The following PGR variants were observed in gnomAD, a reference collection of about 807,000 sequenced individuals.
PGR encodes nuclear receptor subfamily 3 group C member 3.
PGR carries 25 observed loss-of-function variants against 76.1 expected under a neutral mutation model. That is an observed-to-expected ratio of 0.33 (90% CI 0.24 to 0.46). PGR has a LOEUF of 0.46. Ranked by LOEUF, PGR falls within the 20% of genes least tolerant of loss-of-function variation. The probability of loss-of-function intolerance (pLI) is 1.00; values close to 1 mark genes in which losing one functional copy is unlikely to be tolerated. For missense variants in PGR, 1,172 were observed against 1,225.3 expected, an observed-to-expected ratio of 0.96 and a Z score of 0.65; for synonymous variants, 579 against 535.0, an observed-to-expected ratio of 1.08 and a Z score of -1.14.
chr11:101,087,402 C>T (rs1591402424), intron 3 of PGR, among the ~76,000 whole-genome samples: 1 of 152,190 alleles, frequency 6.6e-6, no homozygotes, highest in Admixed American at 6.5e-5. Flanking sequence ...AAATTGGACC[C>T]CTACATTTCA....
At chr11:101,091,630 C>T in intron 3 of PGR, 130 bp downstream of exon 3, 3 of 692,216 alleles carry the variant, frequency 4.3e-6, no homozygotes, top group Non-Finnish European at 7.9e-6. Context: ...CTCACATGTG[C>T]AGAGTCACTG....
chr11:101,051,453 C>T lies in PGR; in HGVS notation c.2328G>A (p.Leu776=), dbSNP rs1267570763. The change falls in exon 5 of 8, where the codon CTG becomes CTA. Residue 776 remains leucine, a synonymous_variant. Transcript: ENST00000325455. ...TTAGTATTAGATCAGGTGCAAAATA[C>T]AGCATCTGCCCACTGACGTGTTTGT... is the stretch of plus-strand genomic sequence containing the variant. ...RSYKHVSGQM[L]YFAPDLILNE... 6.2e-7 allele frequency: 1 copy of T among 1,609,598 alleles called. No homozygotes were observed. Among genetic ancestry groups the T allele is most frequent in the African/African-American group, 1.3e-5 (1 of 74,946 alleles).
intron 2 of PGR, among the ~76,000 whole-genome samples, chr11:101,124,611 A>T (rs959606270): frequency 6.6e-6 from 1 of 152,170 alleles, no homozygotes; most frequent in Non-Finnish European, 1.5e-5. Context: ...AGACTTTAAG[A>T]AGAGAGGAAA....
intron 1 of PGR, 134 bp downstream of exon 1, chr11:101,127,300 C>A: frequency 1.8e-6 from 1 of 571,284 alleles, no homozygotes; most frequent in Non-Finnish European, 2.9e-6. Context: ...TGCTGTGTCC[C>A]GCTGCCCACC....
chr11:101,058,127 G>A (rs548056177), intron 4 of PGR, among the ~76,000 whole-genome samples: 80 of 152,270 alleles, frequency 5.3e-4, no homozygotes, highest in African/African-American at 1.9e-3. Flanking sequence ...CTAAGCAAGA[G>A]TCTTAGCAAG....
At chr11:101,041,892 T>C (rs1859704747) in intron 7 of PGR, 53 bp downstream of exon 7, 1 of 1,487,512 alleles carries the variant, frequency 6.7e-7, no homozygotes, top group Non-Finnish European at 9.4e-7. Flanking sequence ...TTTAAAAAGT[T>C]ATAGAAATTC....
chr11:101,096,424 G>T (rs1861833625), intron 2 of PGR, among the ~76,000 whole-genome samples: 1 of 152,156 alleles, frequency 6.6e-6, no homozygotes, highest in East Asian at 1.9e-4. Flanking sequence ...CAATGTTTTG[G>T]CTTAAAGAAA....
At chr11:101,123,855 A>C (rs1309583066) in intron 2 of PGR, among the ~76,000 whole-genome samples, 1 of 152,210 alleles carries the variant, frequency 6.6e-6, no homozygotes. Flanking sequence ...TGCATATGTT[A>C]CCTCCCTAAC....
intron 2 of PGR, among the ~76,000 whole-genome samples, chr11:101,122,079 C>T (rs949783402): frequency 5.6e-5 from 8 of 144,126 alleles, no homozygotes; most frequent in South Asian, 2.2e-4. Flanking sequence ...GGCATGAACC[C>T]GGGAGGCGGA....
intron 2 of PGR, among the ~76,000 whole-genome samples, chr11:101,097,220 C>T (rs1475459937): frequency 6.6e-6 from 1 of 152,204 alleles, no homozygotes; most frequent in East Asian, 1.9e-4. Flanking sequence ...GTTCTTTATG[C>T]TCCAGAGTAC....
At chr11:101,054,779 G>C (rs1371860192) in intron 4 of PGR, among the ~76,000 whole-genome samples, 4 of 152,254 alleles carry the variant, frequency 2.6e-5, no homozygotes, top group Admixed American at 2.6e-4. Flanking sequence ...AACTCAGTGA[G>C]TTGCTATGAG....
At chr11:101,088,945 T>C (rs1486265492) in intron 3 of PGR, among the ~76,000 whole-genome samples, 1 of 152,126 alleles carries the variant, frequency 6.6e-6, no homozygotes, top group Non-Finnish European at 1.5e-5. Flanking sequence ...AAAAACCAAA[T>C]ACTGCATGTT....
chr11:101,124,980 A>G (rs1347181484), intron 2 of PGR, among the ~76,000 whole-genome samples: 1 of 152,046 alleles, frequency 6.6e-6, no homozygotes, highest in African/African-American at 2.4e-5. Flanking sequence ...ATTTCCTACT[A>G]CCTGCTTTTC....
Position 101,127,456 on chromosome 11 carries a change from G to C in PGR, c.1615C>G (p.Pro539Ala). 1 of 1,559,728 alleles carries C rather than the reference G, an allele frequency of 6.4e-7. No individual in the cohort carries two copies. The change falls in exon 1 of 8, where the codon CCG becomes GCG. Residue 539 changes from proline to alanine, a missense_variant. Pro to Ala is a conservative substitution (Grantham distance 27). Transcript: ENST00000325455. The stretch of plus-strand genomic sequence containing the variant: ...CACCTCAGGTAGTTGAGATAGGGCG[G>C]GTAGACCTGCGGCAGGCCCTCCTTG... ...VLKEGLPQVY[P>A]PYLNYLRPDS...
In PGR at chr11:101,128,491, G is replaced by A; in HGVS notation, c.580C>T (p.Gln194Ter). 1 of 1,606,166 alleles carries A rather than the reference G, an allele frequency of 6.2e-7. No homozygotes were observed. The change falls in exon 1 of 8, where the codon CAG (glutamine) becomes TAG (stop). Residue 194 changes from glutamine to a stop codon, truncating the protein, a stop_gained. Coordinates refer to ENST00000325455, the MANE Select transcript of PGR (RefSeq NM_000926.4). LOFTEE classifies it high-confidence loss of function. Reference protein sequence around the residue: ...VLPRGLSPARQLLLPASESPH... With the variant: ...VLPRGLSPAR ...CTCTCAGAGGCCGGGAGCAGCAGCT[G>A]CCGGGCTGGTGACAGGCCCCGGGGC...
At chr11:101,067,925 T>TA (rs1000362826) in intron 3 of PGR, among the ~76,000 whole-genome samples, 2 of 152,052 alleles carry the variant, frequency 1.3e-5, no homozygotes, top group Non-Finnish European at 1.5e-5. Flanking sequence ...ACATAGATAT[T>TA]AAAAAATCCT....
chr11:101,123,584 G>T (rs1338051755), intron 2 of PGR, among the ~76,000 whole-genome samples: 1 of 152,152 alleles, frequency 6.6e-6, no homozygotes, highest in Non-Finnish European at 1.5e-5. Context: ...CTTAGTCAGT[G>T]TAATCTTAAT....
chr11:101,058,810 A>G (rs1860383007), intron 4 of PGR, among the ~76,000 whole-genome samples: 1 of 152,180 alleles, frequency 6.6e-6, no homozygotes, highest in Non-Finnish European at 1.5e-5. Context: ...ATCAGCCTAT[A>G]ACTTACACCT....
chr11:101,073,529 A>G (rs976739712), intron 3 of PGR, among the ~76,000 whole-genome samples: 1 of 151,992 alleles, frequency 6.6e-6, no homozygotes, highest in Admixed American at 6.6e-5. Flanking sequence ...AAAAAAAAAA[A>G]TCAATGAATC....
Sources: gnomAD v4.1 joint callset for allele counts (sites outside exome capture counted in the v4.1 genomes callset) on GRCh38, gnomAD v4.1.1 for gene constraint, MANE v1.5 for transcripts, NCBI Gene and HGNC (gene_info 2026-07-23, HGNC 2026-07-21) for gene names.